RCSD1: variants seen among roughly 807,000 people sequenced by gnomAD.
RCSD1 encodes capZ-interacting protein.
RCSD1 carries 26 observed loss-of-function variants against 42.5 expected under a neutral mutation model. The ratio of observed to expected loss-of-function variants is 0.61; its 90% CI spans 0.45 to 0.85. The LOEUF (loss-of-function observed/expected upper bound fraction) is 0.85. Ranked by LOEUF, RCSD1 falls within the 40% of genes least tolerant of loss-of-function variation. The probability of loss-of-function intolerance (pLI) is 0.00; values close to 1 mark genes in which losing one functional copy is unlikely to be tolerated. For synonymous variants in RCSD1, 220 were observed against 212.2 expected, an observed-to-expected ratio of 1.04 and a Z score of -0.32; for missense variants, 571 against 528.3, an observed-to-expected ratio of 1.08 and a Z score of -0.79.
rs142438914 is a variant in RCSD1 at position 167,697,126 on chromosome 1, C to T, written c.502C>T (p.Arg168Cys). Residue 168 changes from arginine to cysteine, a missense_variant, in exon 6 of 7, where the codon CGC becomes TGC. By Grantham distance (180) the Arg-to-Cys change is radical (BLOSUM62 -3). Coordinates refer to ENST00000367854, the MANE Select transcript of RCSD1 (RefSeq NM_052862.4). ...GCGGACGAGGGGCTCAATAAAAAGG[C>T]GCCCTCCCTCCAGGCGATTCCGAAG... Reference protein sequence around the residue: ...KVRTRGSIKRRPPSRRFRRSQ... With the variant: ...KVRTRGSIKRCPPSRRFRRSQ... 3.0e-5 allele frequency: 49 copies of T among 1,613,122 alleles called. No homozygotes were observed. Among genetic ancestry groups the T allele is most frequent in the South Asian group, 1.1e-4 (10 of 90,944 alleles).
intron 6 of RCSD1, among the ~76,000 whole-genome samples, chr1:167,698,789 T>TTTTTTG (rs1339145854): frequency 6.6e-6 from 1 of 150,910 alleles, no homozygotes; most frequent in African/African-American, 2.5e-5. Context: ...TGTTTGTTTG[T>TTTTTTG]TTTTTGTTTT....
intron 5 of RCSD1, among the ~76,000 whole-genome samples, chr1:167,696,487 T>C (rs1462145275): frequency 6.6e-6 from 1 of 151,564 alleles, no homozygotes; most frequent in African/African-American, 2.4e-5. Context: ...GGTCTTTCTG[T>C]GCTGCCCAGG....
chr1:167,652,470 GTAAAGA>G (rs1359661300), intron 1 of RCSD1, among the ~76,000 whole-genome samples: 1 of 152,166 alleles, frequency 6.6e-6, no homozygotes, highest in African/African-American at 2.4e-5. Flanking sequence ...AGAGGCCTAG[GTAAAGA>G]TACAAGCAGT....
intron 1 of RCSD1, among the ~76,000 whole-genome samples, chr1:167,660,996 A>G (rs2102213940): frequency 6.6e-6 from 1 of 152,340 alleles, no homozygotes; most frequent in African/African-American, 2.4e-5. Flanking sequence ...CATTGCTTTC[A>G]ACTAGGGGCC....
rs924274284 is a variant in RCSD1, at chr1:167,707,998, T to C, written c.*3302T>C. 2.6e-5 allele frequency among the ~76,000 whole-genome samples: 4 copies of C among 152,176 alleles called. No homozygotes were observed. The highest frequency in any genetic ancestry group is 5.9e-5 in the Non-Finnish European group (4 of 68,020). On this transcript the variant is annotated 3_prime_UTR_variant, in exon 7 of 7. Coordinates refer to ENST00000367854, the MANE Select transcript of RCSD1 (RefSeq NM_052862.4). ...ATGAACCACCACGTCCAGCCAGTCA[T>C]TTTCTTAAGTAGGTTCTTCCCAGCC...
At chr1:167,693,355 C>A (rs1659422296) in intron 4 of RCSD1, among the ~76,000 whole-genome samples, 1 of 152,230 alleles carries the variant, frequency 6.6e-6, no homozygotes, top group South Asian at 2.1e-4. Context: ...CCTCCCCAAC[C>A]AAACTCAAGA....
At chr1:167,675,010 T>C (rs918260213) in intron 1 of RCSD1, among the ~76,000 whole-genome samples, 1 of 151,900 alleles carries the variant, frequency 6.6e-6, no homozygotes, top group Non-Finnish European at 1.5e-5. Flanking sequence ...ATCAAGACCA[T>C]CCTGGCTAAC....
chr1:167,673,528 T>G (rs1236525660), intron 1 of RCSD1, among the ~76,000 whole-genome samples: 1 of 152,210 alleles, frequency 6.6e-6, no homozygotes. Flanking sequence ...GTTATCATCT[T>G]AGATACTCAT....
chr1:167,690,364 T>A (rs553400227), intron 4 of RCSD1, among the ~76,000 whole-genome samples: 43 of 151,818 alleles, frequency 2.8e-4, no homozygotes, highest in African/African-American at 1.0e-3. Flanking sequence ...GTGGTGGGGG[T>A]TGATGGGTAA....
chr1:167,689,596 C>T (rs1036213764), intron 3 of RCSD1, among the ~76,000 whole-genome samples: 1 of 151,990 alleles, frequency 6.6e-6, no homozygotes, highest in Non-Finnish European at 1.5e-5. Flanking sequence ...ATCACTGGGT[C>T]CAGGGAGGAA....
At chr1:167,669,156 T>C (rs192971525) in intron 1 of RCSD1, among the ~76,000 whole-genome samples, 10 of 152,364 alleles carry the variant, frequency 6.6e-5, no homozygotes, top group African/African-American at 2.4e-4. Context: ...ATCTAAACAC[T>C]GGAAACACCT....
chr1:167,636,099 T>C lies in RCSD1; in HGVS notation c.6+5670T>C, dbSNP rs147233375. Among the ~76,000 whole-genome samples, 1,384 of 152,292 alleles carry C rather than the reference T, an allele frequency of 9.1e-3. 13 individuals carry two copies. The highest frequency in any genetic ancestry group is 0.034 in the Middle Eastern group (10 of 294). On this transcript the variant is annotated intron_variant, in intron 1 of 6. Coordinates refer to ENST00000367854, the MANE Select transcript of RCSD1 (RefSeq NM_052862.4). ...GCAGTCAGCCTCCCGTTTTTTTCCT[T>C]TGGAGCTTCCTGAATACCCATCTCC...
intron 1 of RCSD1, chr1:167,630,664 A>C (rs1222356987): frequency 1.8e-5 from 4 of 216,324 alleles, no homozygotes; most frequent in African/African-American, 4.8e-5. Context: ...AAGATCTCAG[A>C]GGGAGAGAAA....
chr1:167,699,759 T>G (rs1270001684), intron 6 of RCSD1, among the ~76,000 whole-genome samples: 3 of 152,218 alleles, frequency 2.0e-5, no homozygotes, highest in Admixed American at 6.5e-5. Flanking sequence ...GAGGTCTTTT[T>G]GTTCTTCCAA....
At chr1:167,693,430 T>C (rs1211537928) in intron 4 of RCSD1, among the ~76,000 whole-genome samples, 2 of 152,190 alleles carry the variant, frequency 1.3e-5, no homozygotes, top group Admixed American at 6.5e-5. Flanking sequence ...TTTGATCGGG[T>C]CACACCTGTA....
chr1:167,691,375 C>G (rs115961243), intron 4 of RCSD1, among the ~76,000 whole-genome samples: 1 of 152,176 alleles, frequency 6.6e-6, no homozygotes, highest in African/African-American at 2.4e-5. Flanking sequence ...GTCCTGAGCC[C>G]GTCCTTAAGG....
rs549729938 is a variant in RCSD1 at position 167,683,914 on chromosome 1, G to A, written c.21G>A (p.Glu7=). MEERPA[E]TNANVDNSAS... ...CCATTTGCCAGGAAAGACCGGCAGA[G>A]ACCAATGCCAATGTGGACAACTCGG... is the stretch of plus-strand genomic sequence containing the variant. The change falls in exon 2 of 7, where the codon GAG becomes GAA. Residue 7 remains glutamate (E), a synonymous_variant. Coordinates refer to ENST00000367854, the MANE Select transcript of RCSD1 (RefSeq NM_052862.4). The A allele has an allele frequency of 3.1e-6, 5 of 1,614,204 alleles. No homozygotes were observed. Among genetic ancestry groups the A allele is most frequent in the South Asian group, 2.2e-5 (2 of 91,090 alleles).
chr1:167,704,172 G>T (rs1659705511), intron 6 of RCSD1, among the ~76,000 whole-genome samples: 1 of 152,106 alleles, frequency 6.6e-6, no homozygotes, highest in South Asian at 2.1e-4. Context: ...TCAAGTATTG[G>T]TCTTTTATTT....
intron 1 of RCSD1, among the ~76,000 whole-genome samples, chr1:167,682,172 C>CTT (rs375451420): frequency 1.0e-3 from 143 of 140,524 alleles, no homozygotes; most frequent in African/African-American, 3.4e-3. Context: ...TAAACGAAGC[C>CTT]TTTTTTTTTT....
Sources: gnomAD v4.1 joint callset for allele counts (sites outside exome capture counted in the v4.1 genomes callset) on GRCh38, gnomAD v4.1.1 for gene constraint, MANE v1.5 for transcripts, NCBI Gene and HGNC (gene_info 2026-07-23, HGNC 2026-07-21) for gene names.